Variants in GRM5 observed in about 807,000 individuals in gnomAD.
The protein encoded by GRM5 is glutamate metabotropic receptor 5, also known as metabotropic glutamate receptor 5.
In GRM5, 19 loss-of-function variants were observed where a neutral mutation model predicts 83.1. The ratio of observed to expected loss-of-function variants is 0.23; its 90% CI spans 0.16 to 0.34. The LOEUF (loss-of-function observed/expected upper bound fraction) is 0.34, where lower values mean the gene tolerates loss of function less well. Ranked by LOEUF, GRM5 falls within the 10% of genes least tolerant of loss-of-function variation. The pLI is 1.00. For missense variants in GRM5, 1,160 were observed against 1,588.3 expected (o/e 0.73, Z 4.58); for synonymous variants, 675 against 633.6 (o/e 1.07, Z -0.98).
intron 3 of GRM5, among the ~76,000 whole-genome samples, chr11:88,821,364 A>AAAAAAAAAAAAAAAAAAAAAAGC (rs1943790348): frequency 7.1e-6 from 1 of 140,998 alleles, no homozygotes. Flanking sequence ...AAAAAAAAAG[A>AAAAAAAAAAAAAAAAAAAAAAGC]AAAAAGAAAA....
chr11:88,875,250 T>C (rs905866863), intron 2 of GRM5, among the ~76,000 whole-genome samples: 3 of 152,018 alleles, frequency 2.0e-5, no homozygotes, highest in African/African-American at 7.2e-5. Context: ...TCATCAAGGC[T>C]CACAGCATCT....
chr11:88,713,007 C>T (rs1941315404), intron 3 of GRM5, among the ~76,000 whole-genome samples: 1 of 151,860 alleles, frequency 6.6e-6, no homozygotes, highest in Admixed American at 6.6e-5. Context: ...TAGGTAGGCT[C>T]CAGTTTACAA....
intron 3 of GRM5, among the ~76,000 whole-genome samples, chr11:88,763,834 T>C (rs921022021): frequency 6.6e-6 from 1 of 151,620 alleles, no homozygotes; most frequent in Non-Finnish European, 1.5e-5. Flanking sequence ...AATGAGGGCA[T>C]ATAGAAAAGA....
intron 2 of GRM5, among the ~76,000 whole-genome samples, chr11:88,910,053 C>T (rs1264941914): frequency 6.6e-6 from 1 of 152,052 alleles, no homozygotes; most frequent in Non-Finnish European, 1.5e-5. Context: ...AAACTCCATC[C>T]CCACTAAGCA....
intron 2 of GRM5, among the ~76,000 whole-genome samples, chr11:88,857,414 A>AGTGTC (rs1253089940): frequency 6.6e-6 from 1 of 152,084 alleles, no homozygotes; most frequent in Non-Finnish European, 1.5e-5. Context: ...ACATATAAGC[A>AGTGTC]GTGTCCAGTC....
In GRM5 at chr11:88,697,282, T is replaced by C. The variant is rs533254114; in HGVS notation, c.912-43879A>G. Among the ~76,000 whole-genome samples the C allele has an allele frequency of 6.6e-5, 10 of 152,320 alleles. No individual in the cohort carries two copies. The South Asian group carries it at 2.1e-3, about 32-fold the overall frequency. ...CAGCTGACAGAAGGCAGTTTTTCTC[T>C]GCGGCACTTTTTCCTGACAGTAGTG... On this transcript the variant is annotated intron_variant, in intron 3 of 9. Coordinates refer to ENST00000305447, the MANE Select transcript of GRM5 (RefSeq NM_001143831.3).
At chr11:88,532,621 A>G (rs900946612) in intron 8 of GRM5, among the ~76,000 whole-genome samples, 1 of 152,174 alleles carries the variant, frequency 6.6e-6, no homozygotes, top group African/African-American at 2.4e-5. Flanking sequence ...TTCTGAGGGA[A>G]TACCTCCATG....
intron 2 of GRM5, among the ~76,000 whole-genome samples, chr11:88,928,695 G>A (rs1027245171): frequency 2.6e-5 from 4 of 151,792 alleles, no homozygotes; most frequent in Non-Finnish European, 5.9e-5. Flanking sequence ...TCTAAGCTGT[G>A]TCCAGCTCAA....
rs140825320 is a variant in GRM5 at position 88,936,945 on chromosome 11, TGAAGTATAG to T, written c.662-86799_662-86791del. ...TTTTAGGCTTAGCTGTTTTAGTTTT[TGAAGTATAG>T]GAAGTGGAGGATGGAAAGATTAGAA... On this transcript the variant is annotated intron_variant, in intron 2 of 9. Transcript: ENST00000305447. 5.1e-3 allele frequency among the ~76,000 whole-genome samples: 776 copies of T among 151,914 alleles called. 14 individuals carry two copies. The highest frequency in any genetic ancestry group is 0.025 in the East Asian group (129 of 5,168).
At chr11:88,765,574 G>T (rs978376884) in intron 3 of GRM5, among the ~76,000 whole-genome samples, 9 of 151,540 alleles carry the variant, frequency 5.9e-5, no homozygotes, top group Non-Finnish European at 7.4e-5. Context: ...AGGGTGTCAA[G>T]ACCATTCTTG....
At chr11:88,614,433 C>T (rs1938413374) in intron 4 of GRM5, among the ~76,000 whole-genome samples, 1 of 152,110 alleles carries the variant, frequency 6.6e-6, no homozygotes, top group Non-Finnish European at 1.5e-5. Context: ...CTGGTCAAGA[C>T]TTTAGAGTAT....
At chr11:88,912,213 A>G (rs1257241849) in intron 2 of GRM5, 1 of 190,572 alleles carries the variant, frequency 5.2e-6, no homozygotes, top group Non-Finnish European at 1.2e-5. Flanking sequence ...TCAAGATAAT[A>G]CATTTTTAAA....
chr11:88,874,454 C>T (rs1208511167), intron 2 of GRM5, among the ~76,000 whole-genome samples: 2 of 151,756 alleles, frequency 1.3e-5, no homozygotes, highest in African/African-American at 4.8e-5. Context: ...GGATTAAAGA[C>T]TTAAATGTAA....
chr11:88,719,088 A>C (rs1262732485), intron 3 of GRM5, among the ~76,000 whole-genome samples: 1 of 151,654 alleles, frequency 6.6e-6, no homozygotes, highest in Non-Finnish European at 1.5e-5. Context: ...CTTTAGTTTA[A>C]GTTCAGGGGT....
At chr11:89,062,076 A>T (rs1280714637) in intron 1 of GRM5, among the ~76,000 whole-genome samples, 1 of 152,200 alleles carries the variant, frequency 6.6e-6, no homozygotes, top group Non-Finnish European at 1.5e-5. Context: ...CGGGACGCAC[A>T]CTACTAACCC....
At chr11:88,639,228 A>G (rs1479102288) in intron 4 of GRM5, among the ~76,000 whole-genome samples, 1 of 152,066 alleles carries the variant, frequency 6.6e-6, no homozygotes, top group Non-Finnish European at 1.5e-5. Flanking sequence ...TGCGTGTTTG[A>G]TGAATACTCC....
At chr11:88,711,606 T>C (rs573858817) in intron 3 of GRM5, among the ~76,000 whole-genome samples, 37 of 152,158 alleles carry the variant, frequency 2.4e-4, no homozygotes, top group African/African-American at 8.9e-4. Flanking sequence ...CATAAACAAG[T>C]CATATCATCT....
chr11:88,689,402 A>T (rs752835209), intron 3 of GRM5, among the ~76,000 whole-genome samples: 1 of 152,230 alleles, frequency 6.6e-6, no homozygotes, highest in African/African-American at 2.4e-5. Flanking sequence ...CTTAGAGAAT[A>T]ACTGAGATGT....
intron 4 of GRM5, among the ~76,000 whole-genome samples, chr11:88,649,273 T>C (rs1462073827): frequency 9.3e-5 from 3 of 32,126 alleles, no homozygotes; most frequent in East Asian, 7.4e-4. Context: ...ATATATTATA[T>C]ATTATATATA....
Sources: gnomAD v4.1 joint callset for allele counts (sites outside exome capture counted in the v4.1 genomes callset) on GRCh38, gnomAD v4.1.1 for gene constraint, MANE v1.5 for transcripts, NCBI Gene and HGNC (gene_info 2026-07-23, HGNC 2026-07-21) for gene names.